Variants in ZNF469 observed in about 807,000 individuals in gnomAD.
ZNF469 encodes zinc finger protein 469.
In ZNF469, 1 loss-of-function variant was observed where a neutral mutation model predicts 1.0. The observed-to-expected ratio is 1.00, with a 90% CI of 0.35 to 4.73. The LOEUF (loss-of-function observed/expected upper bound fraction) is 4.73. Among genes scored for constraint, ZNF469 ranks in the 30% most tolerant of loss-of-function variants. The probability of loss-of-function intolerance (pLI) is 0.16; values close to 1 mark genes in which losing one functional copy is unlikely to be tolerated. For synonymous variants in ZNF469, 2,703 were observed against 2,363.4 expected (o/e 1.14, Z -4.17); for missense variants, 6,100 against 5,356.3 (o/e 1.14, Z -4.33).
At chr16:88,167,053 C>CTT in the ZNF469 span, among the ~76,000 whole-genome samples, 2,353 of 82,810 alleles carry the variant, frequency 0.028, 193 homozygotes, top group African/African-American at 0.066. Context: ...CAGGCTTATT[C>CTT]TTTTTTTTTT....
At chr16:88,366,261 TATC>T in the ZNF469 span, among the ~76,000 whole-genome samples, 15 of 135,426 alleles carry the variant, frequency 1.1e-4, no homozygotes, top group African/African-American at 3.1e-4. Flanking sequence ...CCACCACTAT[TATC>T]ATCACCATCA....
chr16:88,113,738 G>A, the ZNF469 span, among the ~76,000 whole-genome samples: 2 of 151,200 alleles, frequency 1.3e-5, no homozygotes, highest in Non-Finnish European at 1.5e-5. Flanking sequence ...GGCCCCAGCT[G>A]TGAGGCGTGC....
chr16:88,101,459 G>A, the ZNF469 span, among the ~76,000 whole-genome samples: 13 of 152,032 alleles, frequency 8.6e-5, no homozygotes, highest in East Asian at 9.7e-4. Flanking sequence ...CCAGGTGACC[G>A]GCTTATCTCT....
At chr16:88,183,814 G>A in the ZNF469 span, among the ~76,000 whole-genome samples, 2,722 of 152,318 alleles carry the variant, frequency 0.018, 67 homozygotes, top group South Asian at 0.12. Context: ...GGCCACAGGA[G>A]GGGGCGCACG....
chr16:88,283,283 G>T, the ZNF469 span, among the ~76,000 whole-genome samples: 1 of 151,184 alleles, frequency 6.6e-6, no homozygotes, highest in Non-Finnish European at 1.5e-5. Context: ...CTTGTGATGT[G>T]CACATTTTAA....
chr16:88,295,556 G>T, the ZNF469 span, among the ~76,000 whole-genome samples: 1 of 152,198 alleles, frequency 6.6e-6, no homozygotes, highest in Non-Finnish European at 1.5e-5. Flanking sequence ...CTGAGGAGTT[G>T]GGTTGTGGCC....
chr16:88,333,054 A>T, the ZNF469 span, among the ~76,000 whole-genome samples: 3 of 152,220 alleles, frequency 2.0e-5, no homozygotes, highest in African/African-American at 7.2e-5. Context: ...GCTGCTGCTC[A>T]TTGGTGATTT....
the ZNF469 span, among the ~76,000 whole-genome samples, chr16:88,239,915 A>C: frequency 6.8e-6 from 1 of 146,096 alleles, no homozygotes; most frequent in Non-Finnish European, 1.5e-5. Context: ...AGAAATTTAC[A>C]TTATTTCCAG....
chr16:88,421,082 A>G (rs1416686185), intron 1 of ZNF469, among the ~76,000 whole-genome samples: 1 of 151,988 alleles, frequency 6.6e-6, no homozygotes, highest in African/African-American at 2.4e-5. Flanking sequence ...TGCACAGGCC[A>G]TAGCTGAAAC....
chr16:88,226,281 T>G, the ZNF469 span, among the ~76,000 whole-genome samples: 57 of 152,184 alleles, frequency 3.7e-4, 1 homozygote, highest in East Asian at 8.7e-3. Flanking sequence ...AAAATGGGCC[T>G]CTGCAGATGT....
At chr16:88,347,175 G>T in the ZNF469 span, among the ~76,000 whole-genome samples, 1 of 151,866 alleles carries the variant, frequency 6.6e-6, no homozygotes, top group Non-Finnish European at 1.5e-5. Context: ...CACCAAGCTG[G>T]GGACCCACAC....
upstream of ZNF469, among the ~76,000 whole-genome samples, chr16:88,382,296 G>A (rs1797348570): frequency 6.6e-6 from 1 of 152,230 alleles, no homozygotes; most frequent in Admixed American, 6.5e-5. Context: ...TCAGGCCTTG[G>A]TTTCCTTGGC....
the ZNF469 span, among the ~76,000 whole-genome samples, chr16:88,225,665 G>C: frequency 1.3e-5 from 2 of 152,174 alleles, no homozygotes; most frequent in Admixed American, 6.5e-5. Flanking sequence ...ATGAGGGTGT[G>C]GCCTCGTGGG....
chr16:88,247,576 G>C, the ZNF469 span, among the ~76,000 whole-genome samples: 2 of 150,064 alleles, frequency 1.3e-5, no homozygotes, highest in African/African-American at 2.5e-5. Context: ...GAGTGACTGA[G>C]TGAGTGAATG....
In ZNF469 at chr16:88,430,182, C is replaced by G; in HGVS notation, c.2712C>G (p.Ala904=). Residue 904 remains alanine (A), a synonymous_variant, in exon 3 of 3, where the codon GCC becomes GCG. Coordinates refer to ENST00000565624, the MANE Select transcript of ZNF469 (RefSeq NM_001367624.2). ...ESKAPPPLPA[A]TPDPQTPRPG... is the part of the protein sequence containing the mutation. ...AAGCTCCGCCCCCGCTCCCAGCAGCCACGCCGGACCCCCAAACCCCCCGCC... is the reference window on the plus strand; with the variant it reads ...AAGCTCCGCCCCCGCTCCCAGCAGCGACGCCGGACCCCCAAACCCCCCGCC... 6.5e-7 allele frequency: 1 copy of G among 1,548,142 alleles called. No individual in the cohort carries two copies. Among genetic ancestry groups the G allele is most frequent in the Non-Finnish European group, 8.7e-7 (1 of 1,145,544 alleles).
At chr16:88,200,027 C>T in the ZNF469 span, among the ~76,000 whole-genome samples, 12 of 152,270 alleles carry the variant, frequency 7.9e-5, no homozygotes, top group South Asian at 2.1e-4. Context: ...AAATGCCTCC[C>T]GCTCCCACCC....
At chr16:88,251,538 C>CTTTTTTTTTTTTTTTT in the ZNF469 span, among the ~76,000 whole-genome samples, 2 of 51,290 alleles carry the variant, frequency 3.9e-5, no homozygotes, top group Non-Finnish European at 6.5e-5. Context: ...TCCCTGCTGT[C>CTTTTTTTTTTTTTTTT]TTTTTTTTTT....
At chr16:88,243,377 A>C in the ZNF469 span, among the ~76,000 whole-genome samples, 1 of 152,190 alleles carries the variant, frequency 6.6e-6, no homozygotes, top group Non-Finnish European at 1.5e-5. Flanking sequence ...GGTTCTGGCC[A>C]CAGTTGGGAT....
At chr16:88,418,902 GCTGCAGCCC>G (rs565685286) in intron 1 of ZNF469, among the ~76,000 whole-genome samples, 174 of 152,368 alleles carry the variant, frequency 1.1e-3, no homozygotes, top group African/African-American at 3.8e-3. Flanking sequence ...AGGCAGCAGC[GCTGCAGCCC>G]CGTACGGCGA....
Sources: gnomAD v4.1 joint callset for allele counts (sites outside exome capture counted in the v4.1 genomes callset) on GRCh38, gnomAD v4.1.1 for gene constraint, MANE v1.5 for transcripts, NCBI Gene and HGNC (gene_info 2026-07-23, HGNC 2026-07-21) for gene names.